Variants in MPHOSPH9 observed in about 807,000 individuals in gnomAD.
The protein encoded by MPHOSPH9 is M-phase phosphoprotein 9.
Under a neutral mutation model 145.5 loss-of-function variants are expected in MPHOSPH9, and 88 were observed. The ratio of observed to expected loss-of-function variants is 0.60; its 90% CI spans 0.51 to 0.72. The LOEUF is 0.72. Among genes scored for constraint, MPHOSPH9 ranks in the 30% least tolerant of loss-of-function variants. The pLI, the probability that MPHOSPH9 is intolerant of heterozygous loss-of-function variation, is 0.00. For synonymous variants in MPHOSPH9, 435 were observed against 486.2 expected (o/e 0.89, Z 1.39); for missense variants, 1,238 against 1,386.6 (o/e 0.89, Z 1.70).
Position 123,203,278 on chromosome 12 carries a change from G to T in MPHOSPH9, c.1292C>A (p.Ser431Tyr). ...TGGTGGATGATTTGGGTTGGAAGCA[G>T]AAGTGAGATTCCTCTCAGGTAACTG... ...NKQLPERNLT[S>Y]ASNPNHPPEV... Residue 431 changes from serine to tyrosine, a missense_variant, in exon 9 of 24, where the codon TCT (serine) becomes TAT (tyrosine). Coordinates refer to ENST00000606320, the MANE Select transcript of MPHOSPH9 (RefSeq NM_022782.4). The T allele has an allele frequency of 6.2e-7, 1 of 1,613,922 alleles. No homozygotes were observed.
At chr12:123,235,740 T>G (rs1471757889), upstream of MPHOSPH9, among the ~76,000 whole-genome samples, 1 of 151,898 alleles carries the variant, frequency 6.6e-6, no homozygotes, top group African/African-American at 2.4e-5. Flanking sequence ...TCTTTCCCCC[T>G]TCTCTACTGT....
rs548140052 is a variant in MPHOSPH9, at chr12:123,183,298, A to G, written c.2242-2088T>C. Among the ~76,000 whole-genome samples the G allele has an allele frequency of 3.9e-5, 6 of 152,060 alleles. No individual in the cohort carries two copies. In the East Asian group the frequency reaches 9.7e-4, roughly 25 times the overall value. On this transcript the variant is annotated intron_variant, in intron 13 of 23. Transcript: ENST00000606320. Reference sequence around the variant, plus strand: ...CGTGGTAGCTCACACCTGTAATCTCAGCACTTTGGGAGGCCGAGGCAGGTG... The same window carrying G: ...CGTGGTAGCTCACACCTGTAATCTCGGCACTTTGGGAGGCCGAGGCAGGTG...
upstream of MPHOSPH9, among the ~76,000 whole-genome samples, chr12:123,237,911 T>C (rs1411751866): frequency 6.6e-6 from 1 of 151,886 alleles, no homozygotes; most frequent in African/African-American, 2.4e-5. Flanking sequence ...TTTTTTTTTT[T>C]TTGAGACGGA....
Position 123,161,170 on chromosome 12 carries a change from CG to C in MPHOSPH9, c.3346del (p.Arg1116AspfsTer17). The C allele has an allele frequency of 6.2e-7, 1 of 1,613,872 alleles. No individual in the cohort carries two copies. The highest frequency in any genetic ancestry group is 8.5e-7 in the Non-Finnish European group (1 of 1,179,944). Reference sequence around the variant, plus strand: ...TTCTTTTGTAAGTTCATCAAAAAATCGTTCTGTTTCAGCTAGGGTCCGAATT... The same window carrying C: ...TTCTTTTGTAAGTTCATCAAAAAATCTTCTGTTTCAGCTAGGGTCCGAATT... ...AKIRTLAETE[R>X]FFDELTKEKD... On this transcript the variant is annotated frameshift_variant, in exon 22 of 24. Coordinates refer to ENST00000606320, the MANE Select transcript of MPHOSPH9 (RefSeq NM_022782.4). LOFTEE classifies it high-confidence loss of function.
upstream of MPHOSPH9, among the ~76,000 whole-genome samples, chr12:123,235,784 C>T (rs2083331968): frequency 2.6e-5 from 4 of 152,016 alleles, no homozygotes; most frequent in South Asian, 8.3e-4. Context: ...AGAAAGTTGG[C>T]CGGGCGTGGT....
At chr12:123,206,521 A>C (rs546473713) in intron 8 of MPHOSPH9, among the ~76,000 whole-genome samples, 1 of 93,340 alleles carries the variant, frequency 1.1e-5, no homozygotes, top group Non-Finnish European at 3.0e-5. Context: ...GGAGAAGAGA[A>C]GAGAAGAGAT....
intron 23 of MPHOSPH9, among the ~76,000 whole-genome samples, chr12:123,158,005 G>A (rs2043945502): frequency 6.6e-6 from 1 of 150,452 alleles, no homozygotes; most frequent in African/African-American, 2.5e-5. Context: ...TTTTTGGTTG[G>A]GGGAGACGGA....
chr12:123,166,365 C>G, intron 17 of MPHOSPH9: 6 of 357,258 alleles, frequency 1.7e-5, no homozygotes, highest in Middle Eastern at 8.2e-4. Flanking sequence ...GTTGGCCTCC[C>G]AAAGTGTTGG....
chr12:123,206,719 T>A (rs1351426562), intron 8 of MPHOSPH9, among the ~76,000 whole-genome samples: 3 of 150,740 alleles, frequency 2.0e-5, no homozygotes, highest in Non-Finnish European at 4.4e-5. Context: ...CGAGACCATC[T>A]TGGCCAACAT....
At chr12:123,238,525 C>A (rs1025487342) in intron 1 of MPHOSPH9, among the ~76,000 whole-genome samples, 1 of 152,078 alleles carries the variant, frequency 6.6e-6, no homozygotes, top group Non-Finnish European at 1.5e-5. Context: ...AATCCCAGCA[C>A]TTTTTGAGAC....
intron 3 of MPHOSPH9, among the ~76,000 whole-genome samples, chr12:123,225,253 G>A (rs1404347156): frequency 7.2e-6 from 1 of 137,984 alleles, no homozygotes; most frequent in African/African-American, 2.6e-5. Context: ...AGACTAACCT[G>A]GGCAACATAG....
intron 23 of MPHOSPH9, among the ~76,000 whole-genome samples, chr12:123,157,259 C>T (rs1443263690): frequency 6.6e-6 from 1 of 151,624 alleles, no homozygotes; most frequent in Admixed American, 6.6e-5. Context: ...ACACATTTCA[C>T]CAGAAGAAAT....
At chr12:123,223,811 C>G (rs780373712) in intron 3 of MPHOSPH9, among the ~76,000 whole-genome samples, 2 of 152,146 alleles carry the variant, frequency 1.3e-5, no homozygotes, top group Non-Finnish European at 2.9e-5. Flanking sequence ...CACTCTAACT[C>G]CAAGCTCTCC....
In MPHOSPH9 at chr12:123,191,460, T is replaced by A. The variant is rs1003238030; in HGVS notation, c.2241+2926A>T. Among the ~76,000 whole-genome samples, 7 of 152,258 alleles carry A rather than the reference T, an allele frequency of 4.6e-5. No individual in the cohort carries two copies. The South Asian group carries it at 1.5e-3, about 32-fold the overall frequency. On this transcript the variant is annotated intron_variant, in intron 13 of 23. Transcript: ENST00000606320. ...CGTGCATCACCACGCCTAGCTAATG[T>A]TTTTTATTTTTAATAGAGGCAAGGG... is the stretch of plus-strand genomic sequence containing the variant.
intron 3 of MPHOSPH9, among the ~76,000 whole-genome samples, chr12:123,226,689 T>C (rs2047451184): frequency 6.6e-6 from 1 of 151,974 alleles, no homozygotes; most frequent in Non-Finnish European, 1.5e-5. Context: ...AGTGTAGTGC[T>C]GTGATCATAG....
chr12:123,169,221 C>A (rs1196913007), intron 16 of MPHOSPH9, among the ~76,000 whole-genome samples: 1 of 151,072 alleles, frequency 6.6e-6, no homozygotes, highest in Admixed American at 6.6e-5. Context: ...CAGGGCCAGG[C>A]TCAGTGGCTC....
chr12:123,204,744 G>A (rs879753924), intron 8 of MPHOSPH9, among the ~76,000 whole-genome samples: 20 of 152,170 alleles, frequency 1.3e-4, no homozygotes, highest in African/African-American at 4.1e-4. Context: ...GAGTGGTGGC[G>A]CAGGCCTGTA....
chr12:123,166,453 A>G (rs1045862595), intron 17 of MPHOSPH9: 11 of 641,250 alleles, frequency 1.7e-5, no homozygotes, highest in Non-Finnish European at 3.0e-5. Context: ...TGTGCCACTG[A>G]GCACAGGTGG....
chr12:123,232,761 G>A (rs1429609594), intron 1 of MPHOSPH9, among the ~76,000 whole-genome samples: 5 of 152,140 alleles, frequency 3.3e-5, no homozygotes, highest in Non-Finnish European at 5.9e-5. Flanking sequence ...ATTCCAAAAG[G>A]AAACCGGGGC....
Sources: gnomAD v4.1 joint callset for allele counts (sites outside exome capture counted in the v4.1 genomes callset) on GRCh38, gnomAD v4.1.1 for gene constraint, MANE v1.5 for transcripts, NCBI Gene and HGNC (gene_info 2026-07-23, HGNC 2026-07-21) for gene names.